The following SCAPER variants were observed in gnomAD, a reference collection of about 807,000 sequenced individuals.
SCAPER encodes the protein S-phase cyclin A associated protein in the ER, also known as S phase cyclin A-associated protein in the endoplasmic reticulum.
In SCAPER, 98 loss-of-function variants were observed where a neutral mutation model predicts 182.2. The observed-to-expected ratio is 0.54, with a 90% CI of 0.46 to 0.64. The LOEUF is 0.64. Ranked by LOEUF, SCAPER falls within the 30% of genes least tolerant of loss-of-function variation. SCAPER has a pLI of 0.00. For missense variants in SCAPER, 1,432 were observed against 1,690.0 expected (o/e 0.85, Z 2.68); for synonymous variants, 605 against 564.6 (o/e 1.07, Z -1.01).
At chr15:76,756,336 G>C (rs34185537) in intron 14 of SCAPER, among the ~76,000 whole-genome samples, 1 of 150,954 alleles carries the variant, frequency 6.6e-6, no homozygotes, top group African/African-American at 2.4e-5. Flanking sequence ...CAGTGCTTTA[G>C]AAGGCCGAGG....
chr15:76,788,958 C>T (rs185897115), intron 8 of SCAPER, among the ~76,000 whole-genome samples: 3 of 152,164 alleles, frequency 2.0e-5, no homozygotes, highest in South Asian at 4.1e-4. Context: ...TACAGCTACC[C>T]GGCCCAATTT....
At position 76,804,582 on chromosome 15, in the gene SCAPER, C is replaced by T; in HGVS notation, c.445G>A (p.Asp149Asn). 2 of 1,611,740 alleles carry T rather than the reference C, an allele frequency of 1.2e-6. No individual in the cohort carries two copies. Among genetic ancestry groups the T allele is most frequent in the South Asian group, 1.1e-5 (1 of 90,842 alleles). ...AGCTTTTCCTGAAGCTGAATCCAGT[C>T]AATCAATGCTTTGAAATCTCTTACA... The part of the protein sequence containing the change: ...NYVRDFKALI[D>N]WIQLQEKLEK... The change falls in exon 6 of 32, where the codon GAC (aspartate) becomes AAC (asparagine). Residue 149 changes from aspartate to asparagine, a missense_variant. Physicochemically the swap from Asp to Asn is conservative, Grantham distance 23 (BLOSUM62 1). Transcript: ENST00000563290.
intron 5 of SCAPER, among the ~76,000 whole-genome samples, chr15:76,805,031 A>C (rs987619757): frequency 1.3e-5 from 2 of 152,206 alleles, no homozygotes; most frequent in Admixed American, 1.3e-4. Flanking sequence ...CAAGATAATA[A>C]GATGCCATCT....
Position 76,566,357 on chromosome 15 carries a change from C to T in SCAPER, c.2838+7801G>A, listed in dbSNP as rs542333081. Among the ~76,000 whole-genome samples the T allele has an allele frequency of 4.3e-4, 65 of 152,206 alleles. No individual in the cohort carries two copies. The South Asian group carries it at 0.013, about 32-fold the overall frequency. On this transcript the variant is annotated intron_variant, in intron 23 of 31. Transcript: ENST00000563290. ...AATTCACTTCAAATCATCAATGCTG[C>T]CAGCTATGTGGTTTGCTTATTCAGA... is the stretch of plus-strand genomic sequence containing the variant.
chr15:76,389,829 A>AAT (rs1341922379), intron 27 of SCAPER, among the ~76,000 whole-genome samples: 1 of 151,662 alleles, frequency 6.6e-6, no homozygotes, highest in Non-Finnish European at 1.5e-5. Flanking sequence ...AAAAAAAAAA[A>AAT]AAAGAAGAAA....
intron 24 of SCAPER, among the ~76,000 whole-genome samples, chr15:76,494,451 T>A (rs1435710174): frequency 6.6e-6 from 1 of 152,104 alleles, no homozygotes; most frequent in Non-Finnish European, 1.5e-5. Flanking sequence ...AATAAACCAG[T>A]ACAAAAACAC....
chr15:76,575,874 T>C (rs2047780901), intron 22 of SCAPER, among the ~76,000 whole-genome samples: 1 of 152,244 alleles, frequency 6.6e-6, no homozygotes, highest in South Asian at 2.1e-4. Flanking sequence ...GTGTTTTTAC[T>C]GTCCAACATG....
intron 23 of SCAPER, among the ~76,000 whole-genome samples, chr15:76,563,425 T>C (rs2046795558): frequency 6.6e-6 from 1 of 152,076 alleles, no homozygotes; most frequent in South Asian, 2.1e-4. Context: ...AATCTAGAAG[T>C]GGATAAATTC....
intron 6 of SCAPER, among the ~76,000 whole-genome samples, 185 bp from the exon 7 acceptor site, chr15:76,800,549 G>A (rs998910311): frequency 1.3e-4 from 20 of 152,186 alleles, no homozygotes; most frequent in African/African-American, 4.6e-4. Context: ...TACTATCAGT[G>A]AGAAATCATA....
At chr15:76,706,260 ATATT>A (rs776973465) in intron 17 of SCAPER, among the ~76,000 whole-genome samples, 6 of 152,208 alleles carry the variant, frequency 3.9e-5, no homozygotes, top group Non-Finnish European at 8.8e-5. Context: ...GTTGAAAACT[ATATT>A]TATCTCTATT....
Position 76,733,275 on chromosome 15 carries a change from C to T in SCAPER, c.1976G>A (p.Arg659His), listed in dbSNP as rs954630744. 8.7e-6 allele frequency: 14 copies of T among 1,603,402 alleles called. No individual in the cohort carries two copies. The highest frequency in any genetic ancestry group is 1.3e-5 in the African/African-American group (1 of 74,758). Residue 659 changes from arginine (R) to histidine (H), a missense_variant, in exon 16 of 32, where the codon CGT becomes CAT. Physicochemically the swap from Arg to His is conservative, Grantham distance 29 (BLOSUM62 0). Coordinates refer to ENST00000563290, the MANE Select transcript of SCAPER (RefSeq NM_020843.4). The stretch of plus-strand genomic sequence containing the variant: ...TTGCTTTTCTTCCTGTCTTCTCTGA[C>T]GCTCTTCCTGTAGCTCATTAAGCCT... ...EQRLNELQEERQRRQEEKQAR... is the reference protein window; with the variant it reads ...EQRLNELQEEHQRRQEEKQAR...
chr15:76,371,165 C>T (rs11856717), intron 29 of SCAPER, among the ~76,000 whole-genome samples: 24,300 of 152,054 alleles, frequency 0.16, 2,700 homozygotes, highest in East Asian at 0.51. Context: ...TTTTAGAAGC[C>T]CAACTGCTCA....
intron 23 of SCAPER, among the ~76,000 whole-genome samples, chr15:76,561,025 T>G (rs28591605): frequency 0.083 from 12,597 of 151,266 alleles, 594 homozygotes; most frequent in Middle Eastern, 0.12. Context: ...TCTCTCATTT[T>G]TTTTTAGTGT....
chr15:76,426,172 T>C (rs2142414207), intron 26 of SCAPER, among the ~76,000 whole-genome samples: 1 of 152,334 alleles, frequency 6.6e-6, no homozygotes, highest in South Asian at 2.1e-4. Context: ...CTGCAGAGGT[T>C]TCTGTTGCCT....
intron 16 of SCAPER, among the ~76,000 whole-genome samples, chr15:76,732,349 T>C (rs2060966530): frequency 6.6e-6 from 1 of 152,128 alleles, no homozygotes; most frequent in South Asian, 2.1e-4. Context: ...AATCATTAGT[T>C]TGTAGCAATT....
rs544487039 is a variant in SCAPER at position 76,720,947 on chromosome 15, A to C, written c.2165+7648T>G. On this transcript the variant is annotated intron_variant, in intron 17 of 31. Transcript: ENST00000563290. ...TAGTTTAATTAGATCCCATTTGTCA[A>C]TTTTGGCTTTTGTTGCCATTGCTTT... Among the ~76,000 whole-genome samples, 762 of 152,194 alleles carry C rather than the reference A, an allele frequency of 5.0e-3. 4 individuals are homozygous for C. The highest frequency in any genetic ancestry group is 0.015 in the South Asian group (70 of 4,822).
chr15:76,774,372 T>C, intron 9 of SCAPER: 1 of 386,104 alleles, frequency 2.6e-6, no homozygotes, highest in Middle Eastern at 3.6e-4. Flanking sequence ...ACATACCAAA[T>C]GAACTGAGTA....
intron 4 of SCAPER, among the ~76,000 whole-genome samples, chr15:76,857,445 A>G (rs1255423375): frequency 6.6e-6 from 1 of 151,524 alleles, no homozygotes; most frequent in African/African-American, 2.4e-5. Flanking sequence ...AAAAAAAAAA[A>G]GTTAAAAAAA....
intron 5 of SCAPER, among the ~76,000 whole-genome samples, chr15:76,809,752 A>G (rs1296597654): frequency 6.6e-6 from 1 of 152,210 alleles, no homozygotes; most frequent in Non-Finnish European, 1.5e-5. Context: ...ATCAAAATCC[A>G]GAAAGCCCAA....
Sources: gnomAD v4.1 joint callset for allele counts (sites outside exome capture counted in the v4.1 genomes callset) on GRCh38, gnomAD v4.1.1 for gene constraint, MANE v1.5 for transcripts, NCBI Gene and HGNC (gene_info 2026-07-23, HGNC 2026-07-21) for gene names.